PICK1: variants seen among roughly 807,000 people sequenced by gnomAD.
PICK1 encodes the protein protein interacting with PRKCA 1, also known as PRKCA-binding protein.
A neutral mutation model predicts 48.9 loss-of-function variants in PICK1; 23 were observed. The ratio of observed to expected loss-of-function variants is 0.47; its 90% CI spans 0.34 to 0.67. The LOEUF is 0.67. PICK1 is among the 30% of genes least tolerant of loss of function. The pLI is 0.01. For synonymous variants in PICK1, 217 were observed against 228.2 expected (o/e 0.95, Z 0.44); for missense variants, 423 against 557.1 (o/e 0.76, Z 2.42).
At chr22:38,071,462 C>T (rs991934907) in intron 7 of PICK1, among the ~76,000 whole-genome samples, 7 of 152,264 alleles carry the variant, frequency 4.6e-5, no homozygotes, top group African/African-American at 1.7e-4. Flanking sequence ...CTGTGTACCC[C>T]TGCATCTTAC....
At chr22:38,071,939 T>G (rs1387949192) in intron 8 of PICK1, 195 bp downstream of exon 8, 2 of 646,226 alleles carry the variant, frequency 3.1e-6, no homozygotes, top group African/African-American at 1.8e-5. Flanking sequence ...GCCGCAACGA[T>G]GAACAGGCCC....
intron 3 of PICK1, 74 bp from the exon 4 acceptor site, chr22:38,064,928 G>A (rs1308388387): frequency 1.3e-6 from 2 of 1,551,366 alleles, no homozygotes. Flanking sequence ...GAGCCAGGCA[G>A]TGGTCAGGTG....
intron 3 of PICK1, 45 bp from the exon 4 acceptor site, chr22:38,064,957 T>C: frequency 1.2e-6 from 2 of 1,611,444 alleles, no homozygotes; most frequent in Non-Finnish European, 1.7e-6. Flanking sequence ...GGTTCCATCT[T>C]AGCCCTCCCT....
At position 38,075,253 on chromosome 22, in the gene PICK1, C is replaced by T. The variant is rs1046839055; in HGVS notation, c.*121C>T. 2 of 964,342 alleles carry T rather than the reference C, an allele frequency of 2.1e-6. No individual in the cohort carries two copies. Among genetic ancestry groups the T allele is most frequent in the African/African-American group, 1.6e-5 (1 of 60,688 alleles). The allele number at this position is 964,342 out of a possible 1,614,324, so 59.7% of individuals were successfully genotyped here. Reference sequence around the variant, plus strand: ...CCTGCTGGCTTGGGGCGCCTGCCTCCCTGCTCCTCTGTCCTCGCACAGCGA... The same window carrying T: ...CCTGCTGGCTTGGGGCGCCTGCCTCTCTGCTCCTCTGTCCTCGCACAGCGA... On this transcript the variant is annotated 3_prime_UTR_variant, in exon 13 of 13. Coordinates refer to ENST00000356976, the MANE Select transcript of PICK1 (RefSeq NM_012407.4).
At position 38,065,026 on chromosome 22, in the gene PICK1, TTGGACG is replaced by T; in HGVS notation, c.179_184del (p.Leu60_Gly62delinsCys). 4 of 1,614,098 alleles carry T rather than the reference TTGGACG, an allele frequency of 2.5e-6. No homozygotes were observed. Among genetic ancestry groups the T allele is most frequent in the Non-Finnish European group, 3.4e-6 (4 of 1,179,994 alleles). On this transcript the variant is annotated inframe_deletion, in exon 4 of 13. Transcript: ENST00000356976. ...GGTATTTGACAACACCCCAGCAGCC[TTGGACG>T]GCACAGTGGCAGCTGGCGATGAGAT... is the stretch of plus-strand genomic sequence containing the variant.
intron 2 of PICK1, 163 bp downstream of exon 2, chr22:38,058,013 G>T: frequency 1.4e-6 from 1 of 707,792 alleles, no homozygotes; most frequent in Admixed American, 2.0e-5. Flanking sequence ...ATTTGTAGGG[G>T]GCTGTGGACA....
chr22:38,070,632 C>T (rs1389533873), intron 6 of PICK1, among the ~76,000 whole-genome samples: 1 of 152,066 alleles, frequency 6.6e-6, no homozygotes, highest in Non-Finnish European at 1.5e-5. Context: ...GGCACGGACC[C>T]TCCGCTGGCC....
At chr22:38,062,943 T>C (rs1372321415) in intron 3 of PICK1, among the ~76,000 whole-genome samples, 1 of 152,186 alleles carries the variant, frequency 6.6e-6, no homozygotes, top group East Asian at 1.9e-4. Flanking sequence ...TTCTGATCTG[T>C]GAGAACTTTG....
At chr22:38,061,463 A>G (rs2085400961) in intron 3 of PICK1, among the ~76,000 whole-genome samples, 1 of 152,174 alleles carries the variant, frequency 6.6e-6, no homozygotes. Flanking sequence ...GTATCAAATA[A>G]TAGCAATCCA....
intron 3 of PICK1, among the ~76,000 whole-genome samples, chr22:38,060,289 G>T (rs2145857381): frequency 6.6e-6 from 1 of 152,296 alleles, no homozygotes; most frequent in South Asian, 2.1e-4. Flanking sequence ...CATTTTCCCA[G>T]ATGCTCTGCC....
At chr22:38,057,942 C>A in intron 2 of PICK1, 92 bp downstream of exon 2, 1 of 1,030,358 alleles carries the variant, frequency 9.7e-7, no homozygotes, top group Non-Finnish European at 1.5e-6. Context: ...CCTTGCTTCT[C>A]AGCGGTGGAT....
At position 38,075,566 on chromosome 22, in the gene PICK1, C is replaced by T. The variant is rs1184403094; in HGVS notation, c.*434C>T. On this transcript the variant is annotated 3_prime_UTR_variant, in exon 13 of 13. Transcript: ENST00000356976. ...CAATGCCTCCTGGGCACCCTTGCCT[C>T]GCCCCAGACCGGCCCGTCCAGTCCC... The T allele has an allele frequency of 1.1e-5, 2 of 180,146 alleles. No homozygotes were observed. The highest frequency in any genetic ancestry group is 2.4e-5 in the Non-Finnish European group (2 of 84,376). The allele number at this position is 180,146 out of a possible 1,614,324, so 11.2% of individuals were successfully genotyped here.
Position 38,066,293 on chromosome 22 carries a change from G to A in PICK1, c.282+1163G>A, listed in dbSNP as rs1447253339. ...CATGGGAACAGGTGCAGGGGGTCTC[G>A]TTCTGGCCGAGTTGGGTTGTGTGTG... On this transcript the variant is annotated intron_variant, in intron 4 of 12. Coordinates refer to ENST00000356976, the MANE Select transcript of PICK1 (RefSeq NM_012407.4). This position sits in a 1 kb window ranked among gnomAD's most constrained non-coding sequence, Gnocchi z 4.1. 1.3e-5 allele frequency among the ~76,000 whole-genome samples: 2 copies of A among 152,162 alleles called. No homozygotes were observed. The highest frequency in any genetic ancestry group is 4.8e-5 in the African/African-American group (2 of 41,426).
chr22:38,067,632 G>A, intron 4 of PICK1, 72 bp from the exon 5 acceptor site: 1 of 1,382,136 alleles, frequency 7.2e-7, no homozygotes, highest in Non-Finnish European at 1.0e-6. Flanking sequence ...TCTCAGTCCA[G>A]AACAGTCTTG....
chr22:38,064,476 A>C (rs1197354318), intron 3 of PICK1, among the ~76,000 whole-genome samples: 2 of 151,774 alleles, frequency 1.3e-5, no homozygotes, highest in African/African-American at 4.8e-5. Flanking sequence ...AAATCATTTG[A>C]TGCCGCCGGG....
chr22:38,072,285 TCAATCCAGTTTCCTC>T (rs1236840448), intron 8 of PICK1, among the ~76,000 whole-genome samples, 177 bp from the exon 9 acceptor site: 11 of 152,162 alleles, frequency 7.2e-5, no homozygotes, highest in African/African-American at 2.7e-4. Context: ...CTTGGAGGTG[TCAATCCAGTTTCCTC>T]CAGGTGTAGA....
chr22:38,071,932 G>A (rs147915843), intron 8 of PICK1, 188 bp downstream of exon 8: 167 of 656,878 alleles, frequency 2.5e-4, no homozygotes, highest in African/African-American at 1.6e-3. Flanking sequence ...CTTAAGGGCC[G>A]CAACGATGAA....
At position 38,074,629 on chromosome 22, in the gene PICK1, G is replaced by A. The variant is rs560797075; in HGVS notation, c.979+178G>A. On this transcript the variant is annotated intron_variant, in intron 12 of 12. Transcript: ENST00000356976. The surrounding 1 kb of genome is among the most constrained non-coding windows in gnomAD (Gnocchi z 4.5). ...CCTGTGCGCGTGGGCTCCGTGGGCTGCCATCCATGATCCATTTACCCTGCA... is the reference window on the plus strand; with the variant it reads ...CCTGTGCGCGTGGGCTCCGTGGGCTACCATCCATGATCCATTTACCCTGCA... Among the ~76,000 whole-genome samples, 1 of 152,350 alleles carries A rather than the reference G, an allele frequency of 6.6e-6. No homozygotes were observed. Among genetic ancestry groups the A allele is most frequent in the East Asian group, 1.9e-4 (1 of 5,178 alleles).
chr22:38,065,086 G>C lies in PICK1; in HGVS notation c.238G>C (p.Gly80Arg). The change falls in exon 4 of 13, where the codon GGG becomes CGG. Residue 80 changes from glycine to arginine, a missense_variant. Gly to Arg is a moderately radical substitution (Grantham distance 125). This residue lies in a region of PICK1 where 279 missense variants were observed against 417.8 expected (regional missense o/e 0.67). Coordinates refer to ENST00000356976, the MANE Select transcript of PICK1 (RefSeq NM_012407.4). Reference protein sequence around the residue: ...ITGVNGRSIKGKTKVEVAKMI... With the variant: ...ITGVNGRSIKRKTKVEVAKMI... Reference sequence around the variant, plus strand: ...CGGTGTCAATGGCAGGTCAATCAAAGGGAAAACTAAGGTGGAGGTGGCGAA... The same window carrying C: ...CGGTGTCAATGGCAGGTCAATCAAACGGAAAACTAAGGTGGAGGTGGCGAA... 6.2e-7 allele frequency: 1 copy of C among 1,614,114 alleles called. No individual in the cohort carries two copies. The highest frequency in any genetic ancestry group is 8.5e-7 in the Non-Finnish European group (1 of 1,180,000).
Sources: gnomAD v4.1 joint callset for allele counts (sites outside exome capture counted in the v4.1 genomes callset) on GRCh38, gnomAD v4.1.1 for gene constraint, gnomAD v4.1.1 regional missense constraint, Gnocchi (gnomAD v3.1) non-coding constraint, MANE v1.5 for transcripts, NCBI Gene and HGNC (gene_info 2026-07-23, HGNC 2026-07-21) for gene names.